The following LDLRAD4 variants were observed in gnomAD, a reference collection of about 807,000 sequenced individuals.
LDLRAD4 encodes the protein low-density lipoprotein receptor class A domain-containing protein 4.
A neutral mutation model predicts 17.0 loss-of-function variants in LDLRAD4; 5 were observed. That is an observed-to-expected ratio of 0.29 (90% CI 0.15 to 0.62). The LOEUF (loss-of-function observed/expected upper bound fraction) is 0.62, where lower values mean the gene tolerates loss of function less well. Among genes scored for constraint, LDLRAD4 ranks in the 20% least tolerant of loss-of-function variants. The probability of loss-of-function intolerance (pLI) is 0.84; values close to 1 mark genes in which losing one functional copy is unlikely to be tolerated. For synonymous variants in LDLRAD4, 168 were observed against 171.8 expected (o/e 0.98, Z 0.17); for missense variants, 340 against 424.7 (o/e 0.80, Z 1.75).
At chr18:13,593,583 GTCCATCCA>G (rs993021725) in intron 3 of LDLRAD4, among the ~76,000 whole-genome samples, 4 of 147,852 alleles carry the variant, frequency 2.7e-5, no homozygotes, top group Admixed American at 6.7e-5. Flanking sequence ...CCGTCCGTCC[GTCCATCCA>G]TCCATCCATC....
chr18:13,251,062 A>G (rs2043202556), intron 1 of LDLRAD4, among the ~76,000 whole-genome samples: 1 of 152,220 alleles, frequency 6.6e-6, no homozygotes, highest in African/African-American at 2.4e-5. Context: ...GGATGCAAAG[A>G]TGGTTCAGTA....
chr18:13,370,701 G>GTT (rs1378242042), intron 1 of LDLRAD4, among the ~76,000 whole-genome samples: 5 of 94,616 alleles, frequency 5.3e-5, no homozygotes, highest in Non-Finnish European at 8.2e-5. Context: ...CTCTTTCATG[G>GTT]TTTTTTGTTT....
exon 6 of LDLRAD4, chr18:13,650,366 T>C (rs1405513327): frequency 2.5e-6 from 1 of 399,322 alleles, no homozygotes; most frequent in African/African-American, 2.1e-5. Flanking sequence ...TTCTTCCCTC[T>C]GCGTGTCCTT....
At chr18:13,457,048 G>A (rs1404405907) in intron 3 of LDLRAD4, among the ~76,000 whole-genome samples, 1 of 152,208 alleles carries the variant, frequency 6.6e-6, no homozygotes, top group Non-Finnish European at 1.5e-5. Flanking sequence ...AGTGTGTGGG[G>A]CTTCCCCACA....
chr18:13,564,061 A>C (rs1275239868), intron 3 of LDLRAD4, among the ~76,000 whole-genome samples: 4 of 152,066 alleles, frequency 2.6e-5, no homozygotes, highest in Admixed American at 6.6e-5. Flanking sequence ...ATGCACCACC[A>C]CACCTGGATA....
At chr18:13,561,191 G>C (rs1289637950) in intron 3 of LDLRAD4, among the ~76,000 whole-genome samples, 3 of 152,218 alleles carry the variant, frequency 2.0e-5, no homozygotes, top group Admixed American at 2.0e-4. Flanking sequence ...TTGAAAGGTT[G>C]AAAGGCGTTA....
intron 3 of LDLRAD4, chr18:13,471,065 A>G (rs1326593370): frequency 6.6e-6 from 1 of 152,144 alleles, no homozygotes; most frequent in Non-Finnish European, 1.5e-5. Context: ...CTCTTTGCAA[A>G]GTGCTGGAGA....
chr18:13,219,477 G>T (rs1205986503), intron 1 of LDLRAD4, among the ~76,000 whole-genome samples: 1 of 151,924 alleles, frequency 6.6e-6, no homozygotes, highest in Admixed American at 6.6e-5. Flanking sequence ...CCGGACCAGC[G>T]CTGCTTTCTA....
At chr18:13,313,592 C>A (rs189709014) in intron 1 of LDLRAD4, among the ~76,000 whole-genome samples, 50 of 152,340 alleles carry the variant, frequency 3.3e-4, no homozygotes, top group Non-Finnish European at 6.3e-4. Flanking sequence ...CACCGTCCCC[C>A]GCACGGGGAA....
At chr18:13,605,082 G>A (rs2095208800) in intron 3 of LDLRAD4, among the ~76,000 whole-genome samples, 1 of 152,248 alleles carries the variant, frequency 6.6e-6, no homozygotes, top group Non-Finnish European at 1.5e-5. Flanking sequence ...TTTACAAGAA[G>A]TCTGCTCCTG....
At chr18:13,234,990 C>G (rs2042264744) in intron 1 of LDLRAD4, 1 of 152,062 alleles carries the variant, frequency 6.6e-6, no homozygotes, top group Non-Finnish European at 1.5e-5. Flanking sequence ...TGGCTTATGC[C>G]TGTAATCCTA....
chr18:13,355,812 A>G (rs2083301782), intron 1 of LDLRAD4, among the ~76,000 whole-genome samples: 1 of 152,084 alleles, frequency 6.6e-6, no homozygotes, highest in African/African-American at 2.4e-5. Flanking sequence ...AAAAAAAATT[A>G]TAGAGACAGA....
At chr18:13,379,276 C>G (rs912184676) in intron 1 of LDLRAD4, among the ~76,000 whole-genome samples, 3 of 152,226 alleles carry the variant, frequency 2.0e-5, no homozygotes, top group African/African-American at 4.8e-5. Flanking sequence ...GCAGTAAACT[C>G]CCAGCCACGA....
Position 13,550,939 on chromosome 18 carries a change from G to A in LDLRAD4, c.182-70178G>A, listed in dbSNP as rs140773753. ...GCTGTCACCGTGGGCAGAGATGGCT[G>A]GCCACACCACCCTCCAGTCATGCCC... is the stretch of plus-strand genomic sequence containing the variant. On this transcript the variant is annotated intron_variant, in intron 3 of 5. Transcript: ENST00000359446. Among the ~76,000 whole-genome samples the A allele has an allele frequency of 9.1e-4, 138 of 152,236 alleles. No homozygotes were observed. In the Middle Eastern group the frequency reaches 0.01, roughly 11 times the overall value.
At chr18:13,283,558 C>G (rs972969982) in intron 1 of LDLRAD4, among the ~76,000 whole-genome samples, 1 of 152,200 alleles carries the variant, frequency 6.6e-6, no homozygotes, top group Non-Finnish European at 1.5e-5. Context: ...TGTCTGAGAC[C>G]ACCTCAGCCT....
At chr18:13,613,013 A>C in intron 3 of LDLRAD4, 1 of 504,530 alleles carries the variant, frequency 2.0e-6, no homozygotes, top group Non-Finnish European at 3.6e-6. Context: ...TTCCTGTTGG[A>C]GGTGTTATGC....
chr18:13,589,023 G>T (rs1401290307), intron 3 of LDLRAD4, among the ~76,000 whole-genome samples: 5 of 150,998 alleles, frequency 3.3e-5, no homozygotes, highest in African/African-American at 1.2e-4. Flanking sequence ...CCGCCTCCCA[G>T]GCTCAAATGA....
chr18:13,266,347 A>G (rs2044216399), intron 1 of LDLRAD4, among the ~76,000 whole-genome samples: 1 of 152,134 alleles, frequency 6.6e-6, no homozygotes, highest in Non-Finnish European at 1.5e-5. Flanking sequence ...GCGTGGCTTC[A>G]TTCCTCCTGC....
chr18:13,307,951 T>A (rs952480573), intron 1 of LDLRAD4, among the ~76,000 whole-genome samples: 2 of 152,208 alleles, frequency 1.3e-5, no homozygotes, highest in Non-Finnish European at 2.9e-5. Flanking sequence ...AGGGCAACTA[T>A]CAGATGGTTC....
Sources: gnomAD v4.1 joint callset for allele counts (sites outside exome capture counted in the v4.1 genomes callset) on GRCh38, gnomAD v4.1.1 for gene constraint, MANE v1.5 for transcripts, NCBI Gene and HGNC (gene_info 2026-07-23, HGNC 2026-07-21) for gene names.